DLG2: variants seen among roughly 807,000 people sequenced by gnomAD.
DLG2 encodes discs large MAGUK scaffold protein 2, also known as disks large homolog 2.
In DLG2, 45 loss-of-function variants were observed where a neutral mutation model predicts 132.5. The ratio of observed to expected loss-of-function variants is 0.34; its 90% confidence interval spans 0.27 to 0.44. The LOEUF is 0.44. DLG2 is among the 20% of genes least tolerant of loss of function. DLG2 has a pLI of 1.00. For missense variants in DLG2, 1,045 were observed against 1,196.9 expected, an observed-to-expected ratio of 0.87 and a Z score of 1.87; for synonymous variants, 424 against 419.6, an observed-to-expected ratio of 1.01 and a Z score of -0.13.
At chr11:83,583,470 C>T (rs2097020115) in intron 19 of DLG2, among the ~76,000 whole-genome samples, 1 of 152,222 alleles carries the variant, frequency 6.6e-6, no homozygotes, top group South Asian at 2.1e-4. Context: ...TCTAGACCCA[C>T]CTCTTCCTTT....
At chr11:84,699,478 C>T (rs1024824650) in intron 6 of DLG2, among the ~76,000 whole-genome samples, 1 of 151,462 alleles carries the variant, frequency 6.6e-6, no homozygotes, top group African/African-American at 2.4e-5. Flanking sequence ...AGCATTCTGT[C>T]ACCAAAATGC....
At chr11:84,400,254 C>T (rs1322557376) in intron 7 of DLG2, among the ~76,000 whole-genome samples, 1 of 152,204 alleles carries the variant, frequency 6.6e-6, no homozygotes, top group Non-Finnish European at 1.5e-5. Flanking sequence ...TCAGTATTAA[C>T]TATCCCTTGA....
chr11:84,767,703 G>A (rs1392858176), intron 6 of DLG2, among the ~76,000 whole-genome samples: 1 of 151,880 alleles, frequency 6.6e-6, no homozygotes, highest in Non-Finnish European at 1.5e-5. Flanking sequence ...CTCACAAGAG[G>A]TCCCCTATGC....
chr11:84,879,848 G>A (rs1600655143), intron 6 of DLG2, among the ~76,000 whole-genome samples: 1 of 152,030 alleles, frequency 6.6e-6, no homozygotes, highest in Non-Finnish European at 1.5e-5. Context: ...ATCAAGCTCC[G>A]CTAATCCCAA....
At chr11:85,065,011 T>C (rs571939458) in intron 6 of DLG2, among the ~76,000 whole-genome samples, 1 of 151,756 alleles carries the variant, frequency 6.6e-6, no homozygotes, top group South Asian at 2.1e-4. Context: ...GTAGTATATC[T>C]GTGGTATAAA....
intron 6 of DLG2, among the ~76,000 whole-genome samples, chr11:84,724,108 C>T (rs1363151330): frequency 6.6e-6 from 1 of 152,074 alleles, no homozygotes; most frequent in Non-Finnish European, 1.5e-5. Flanking sequence ...AATAGATTGG[C>T]TACTAGGAGC....
chr11:85,275,437 T>A lies in DLG2; in HGVS notation c.186+9783A>T, dbSNP rs57446441. The stretch of plus-strand genomic sequence containing the variant: ...CTTACTTTCAATGACAGCTGCATAC[T>A]TACAAATCTGTCATATTTACTAAAA... On this transcript the variant is annotated intron_variant, in intron 4 of 27. Transcript: ENST00000376104. Among the ~76,000 whole-genome samples, 385 of 152,286 alleles carry A rather than the reference T, an allele frequency of 2.5e-3. 3 individuals carry two copies. The highest frequency in any genetic ancestry group is 8.9e-3 in the African/African-American group (368 of 41,570).
At chr11:84,591,256 T>TGTGTGTGTGTGC (rs773255134) in intron 6 of DLG2, among the ~76,000 whole-genome samples, 134 of 150,316 alleles carry the variant, frequency 8.9e-4, no homozygotes, top group African/African-American at 1.6e-3. Context: ...TGTGTGTGTG[T>TGTGTGTGTGTGC]GCGCGTCTTT....
At chr11:85,175,512 A>G (rs2079173361) in intron 4 of DLG2, among the ~76,000 whole-genome samples, 1 of 152,214 alleles carries the variant, frequency 6.6e-6, no homozygotes, top group South Asian at 2.1e-4. Context: ...TATCACACTG[A>G]ATGGGCAAAA....
At chr11:84,431,181 C>A (rs940096055) in intron 7 of DLG2, among the ~76,000 whole-genome samples, 2 of 152,074 alleles carry the variant, frequency 1.3e-5, no homozygotes, top group African/African-American at 4.8e-5. Flanking sequence ...ATTTTATAAA[C>A]ATAGTATAAT....
intron 3 of DLG2, among the ~76,000 whole-genome samples, chr11:85,442,717 A>T (rs901790723): frequency 6.6e-6 from 1 of 151,936 alleles, no homozygotes; most frequent in Non-Finnish European, 1.5e-5. Flanking sequence ...AAAAAATAAA[A>T]AATAAATTAA....
intron 6 of DLG2, among the ~76,000 whole-genome samples, chr11:84,779,003 T>C (rs2071202179): frequency 6.6e-6 from 1 of 152,186 alleles, no homozygotes; most frequent in African/African-American, 2.4e-5. Context: ...TGCCAGGGGC[T>C]CTCAGGCCTT....
At chr11:83,687,995 A>G (rs1019731720) in intron 18 of DLG2, among the ~76,000 whole-genome samples, 9 of 151,438 alleles carry the variant, frequency 5.9e-5, no homozygotes, top group African/African-American at 2.2e-4. Flanking sequence ...TGGGTGACAG[A>G]GCAAGGCCCT....
chr11:84,892,969 G>T (rs1388890415), intron 6 of DLG2, among the ~76,000 whole-genome samples: 1 of 152,112 alleles, frequency 6.6e-6, no homozygotes, highest in Non-Finnish European at 1.5e-5. Flanking sequence ...GAAGGTAAGA[G>T]ACTCAGAAGT....
chr11:84,059,848 T>A (rs1056753493), intron 10 of DLG2, among the ~76,000 whole-genome samples: 4 of 152,202 alleles, frequency 2.6e-5, no homozygotes, highest in African/African-American at 9.6e-5. Flanking sequence ...TTTGAGTGGT[T>A]CTCAGAACTT....
At chr11:84,339,984 T>C (rs571519471) in intron 7 of DLG2, among the ~76,000 whole-genome samples, 2 of 152,326 alleles carry the variant, frequency 1.3e-5, no homozygotes, top group East Asian at 3.9e-4. Flanking sequence ...ATTAGGCTTG[T>C]GTGTGCATGG....
At chr11:83,575,255 T>C (rs567712001) in intron 19 of DLG2, among the ~76,000 whole-genome samples, 14 of 152,102 alleles carry the variant, frequency 9.2e-5, no homozygotes, top group Admixed American at 8.5e-4. Flanking sequence ...CATCAGACAA[T>C]GAAGGACAAG....
At chr11:85,167,804 G>C (rs776628484) in intron 4 of DLG2, among the ~76,000 whole-genome samples, 1 of 151,922 alleles carries the variant, frequency 6.6e-6, no homozygotes, top group African/African-American at 2.4e-5. Flanking sequence ...TATTATAGGG[G>C]TCTTAGCCAT....
intron 18 of DLG2, among the ~76,000 whole-genome samples, chr11:83,733,675 G>A (rs2091416939): frequency 1.3e-5 from 2 of 152,146 alleles, no homozygotes; most frequent in Non-Finnish European, 2.9e-5. Flanking sequence ...CTTGTCTCTA[G>A]CCCAGGCTAA....
Sources: allele counts gnomAD v4.1 joint callset (sites outside exome capture counted in the v4.1 genomes callset), GRCh38; gene constraint gnomAD v4.1.1; transcripts MANE v1.5; gene names NCBI Gene and HGNC (gene_info 2026-07-23, HGNC 2026-07-21).